Variants in PCCA observed in about 807,000 individuals in gnomAD.
PCCA encodes the protein propionyl-CoA carboxylase alpha chain, mitochondrial.
A neutral mutation model predicts 101.3 loss-of-function variants in PCCA; 74 were observed. The ratio of observed to expected loss-of-function variants is 0.73; its 90% CI spans 0.61 to 0.89. The LOEUF is 0.89. Among genes scored for constraint, PCCA ranks in the 40% least tolerant of loss-of-function variants. The pLI, the probability that PCCA is intolerant of heterozygous loss-of-function variation, is 0.00. For missense variants in PCCA, 891 were observed against 907.0 expected, an observed-to-expected ratio of 0.98 and a Z score of 0.23; for synonymous variants, 294 against 313.6, an observed-to-expected ratio of 0.94 and a Z score of 0.66.
chr13:100,313,683 T>C (rs1461326845), intron 16 of PCCA, among the ~76,000 whole-genome samples: 1 of 152,204 alleles, frequency 6.6e-6, no homozygotes, highest in East Asian at 1.9e-4. Flanking sequence ...TTTCATTGTT[T>C]TACAGTTAAA....
chr13:100,481,683 A>AGG (rs2083951382), intron 21 of PCCA, among the ~76,000 whole-genome samples: 2 of 152,174 alleles, frequency 1.3e-5, no homozygotes, highest in South Asian at 4.2e-4. Flanking sequence ...CCCGAGAGAG[A>AGG]GGGTTTATGA....
chr13:100,099,855 C>T (rs946166849), intron 1 of PCCA, among the ~76,000 whole-genome samples: 1 of 152,052 alleles, frequency 6.6e-6, no homozygotes, highest in African/African-American at 2.4e-5. Context: ...CTATTATTAT[C>T]CCCAGTGTAC....
At chr13:100,093,816 G>A (rs2046498423) in intron 1 of PCCA, among the ~76,000 whole-genome samples, 1 of 152,172 alleles carries the variant, frequency 6.6e-6, no homozygotes, top group South Asian at 2.1e-4. Flanking sequence ...GCACGTGCCT[G>A]TGGTTCTAGG....
At chr13:100,420,450 C>T (rs907127241) in intron 19 of PCCA, among the ~76,000 whole-genome samples, 3 of 151,924 alleles carry the variant, frequency 2.0e-5, no homozygotes, top group Non-Finnish European at 4.4e-5. Context: ...GGTGGTAGCT[C>T]GTGCCTGTAG....
intron 20 of PCCA, among the ~76,000 whole-genome samples, chr13:100,434,527 C>G (rs554389326): frequency 6.6e-6 from 1 of 152,260 alleles, no homozygotes; most frequent in South Asian, 2.1e-4. Flanking sequence ...ATGTCCAAAG[C>G]TGGCCGGTAG....
chr13:100,285,761 A>G (rs889130949), intron 12 of PCCA, among the ~76,000 whole-genome samples: 2 of 152,078 alleles, frequency 1.3e-5, no homozygotes, highest in Non-Finnish European at 2.9e-5. Flanking sequence ...TATAGTCCAG[A>G]CTTATGCTGC....
At chr13:100,282,102 C>T (rs1847000943) in intron 12 of PCCA, among the ~76,000 whole-genome samples, 1 of 152,148 alleles carries the variant, frequency 6.6e-6, no homozygotes, top group African/African-American at 2.4e-5. Context: ...TGTGAATTGA[C>T]TATTAGATCC....
At chr13:100,139,028 T>C (rs2051539946) in intron 4 of PCCA, among the ~76,000 whole-genome samples, 1 of 151,962 alleles carries the variant, frequency 6.6e-6, no homozygotes, top group Non-Finnish European at 1.5e-5. Flanking sequence ...GAGTACTGAG[T>C]TGACAGTTCT....
chr13:100,197,100 A>T (rs1401581292), intron 6 of PCCA, among the ~76,000 whole-genome samples: 1 of 152,214 alleles, frequency 6.6e-6, no homozygotes, highest in Non-Finnish European at 1.5e-5. Flanking sequence ...GTTGACTAGT[A>T]CCAGTGCACA....
chr13:100,310,295 CATAA>C (rs2066811124), intron 16 of PCCA, among the ~76,000 whole-genome samples: 2 of 152,090 alleles, frequency 1.3e-5, no homozygotes, highest in African/African-American at 4.8e-5. Flanking sequence ...TTTAGATAGA[CATAA>C]ATAAGTTACT....
chr13:100,477,902 G>T (rs2083539797), intron 21 of PCCA, among the ~76,000 whole-genome samples: 1 of 152,212 alleles, frequency 6.6e-6, no homozygotes, highest in East Asian at 1.9e-4. Flanking sequence ...CCCGTCTGCA[G>T]AGCATGAGGA....
At chr13:100,416,029 G>A (rs768390831) in intron 19 of PCCA, among the ~76,000 whole-genome samples, 41 of 152,056 alleles carry the variant, frequency 2.7e-4, no homozygotes, top group Non-Finnish European at 4.6e-4. Flanking sequence ...CTATGATGAC[G>A]TAGATAGGAA....
intron 14 of PCCA, among the ~76,000 whole-genome samples, chr13:100,306,509 A>G (rs557294984): frequency 1.3e-5 from 2 of 152,324 alleles, no homozygotes; most frequent in African/African-American, 2.4e-5. Context: ...GGGAAATGAA[A>G]ACAAGAATCA....
rs542771840 is a variant in PCCA at position 100,352,425 on chromosome 13, T to G, written c.1643+12166T>G. On this transcript the variant is annotated intron_variant, in intron 18 of 23. Coordinates refer to ENST00000376285, the MANE Select transcript of PCCA (RefSeq NM_000282.4). Reference sequence around the variant, plus strand: ...TTTTTTTTTTTTTTTTGAGATAGGGTCTTGCTCTATCACCCAGTCTGGAGT... The same window carrying G: ...TTTTTTTTTTTTTTTTGAGATAGGGGCTTGCTCTATCACCCAGTCTGGAGT... Among the ~76,000 whole-genome samples, 3 of 148,436 alleles carry G rather than the reference T, an allele frequency of 2.0e-5. No individual in the cohort carries two copies. The South Asian group carries it at 6.4e-4, about 32-fold the overall frequency.
At position 100,111,933 on chromosome 13, in the gene PCCA, T is replaced by C. The variant is rs762246120; in HGVS notation, c.231+45T>C. The C allele has an allele frequency of 4.6e-6, 6 of 1,294,966 alleles. No homozygotes were observed. The Admixed American group carries it at 1.2e-4, about 25-fold the overall frequency. 80.2% of individuals were successfully genotyped at this position (1,294,966 alleles called of 1,614,324 possible). A position where few individuals can be genotyped will look rare whatever the true frequency, so the allele number is the denominator to read the frequency against. ...TATTTTCCATTTTACTCTGAAATTA[T>C]TTATTAAACCCCTTTAAGTGTGAAT... On this transcript the variant is annotated intron_variant, in intron 3 of 23. Transcript: ENST00000376285.
intron 9 of PCCA, among the ~76,000 whole-genome samples, chr13:100,259,663 A>G (rs1393541308): frequency 2.0e-5 from 3 of 152,094 alleles, no homozygotes; most frequent in Non-Finnish European, 4.4e-5. Context: ...GGTGAGAATT[A>G]TGAAGATTGT....
intron 4 of PCCA, 37 bp downstream of exon 4, chr13:100,112,098 A>AT: frequency 2.0e-6 from 3 of 1,489,994 alleles, no homozygotes; most frequent in Non-Finnish European, 2.8e-6. Flanking sequence ...TCAGGACTTA[A>AT]TTTTGGGTCA....
intron 21 of PCCA, chr13:100,473,067 T>TA (rs1053966337): frequency 1.2e-4 from 18 of 152,276 alleles, no homozygotes; most frequent in Admixed American, 3.9e-4. Flanking sequence ...ATTGACTAAA[T>TA]ATTCTGCCAT....
chr13:100,479,687 A>T (rs2083724768), intron 21 of PCCA: 1 of 152,180 alleles, frequency 6.6e-6, no homozygotes, highest in Non-Finnish European at 1.5e-5. Flanking sequence ...AGAGCAGCGG[A>T]GTCATAAGAA....
Sources: allele counts gnomAD v4.1 joint callset (sites outside exome capture counted in the v4.1 genomes callset), GRCh38; gene constraint gnomAD v4.1.1; transcripts MANE v1.5; gene names NCBI Gene and HGNC (gene_info 2026-07-23, HGNC 2026-07-21).